The following AKAP12 variants were observed in gnomAD, a reference collection of about 807,000 sequenced individuals.
AKAP12 encodes A-kinase anchor protein 12.
AKAP12 carries 32 observed loss-of-function variants against 79.9 expected under a neutral mutation model. That is an observed-to-expected ratio of 0.40 (90% confidence interval 0.30 to 0.54). The LOEUF (loss-of-function observed/expected upper bound fraction) is 0.54, where lower values mean the gene tolerates loss of function less well. AKAP12 is among the 20% of genes least tolerant of loss of function. The probability of loss-of-function intolerance (pLI) is 0.48; values close to 1 mark genes in which losing one functional copy is unlikely to be tolerated. For missense variants in AKAP12, 2,074 were observed against 2,177.0 expected (o/e 0.95, Z 0.94); for synonymous variants, 808 against 857.0 (o/e 0.94, Z 1.00).
intron 2 of AKAP12, among the ~76,000 whole-genome samples, chr6:151,255,253 C>G (rs1414344671): frequency 6.6e-6 from 1 of 151,812 alleles, no homozygotes; most frequent in East Asian, 1.9e-4. Context: ...GCAACCTCTG[C>G]CTCCCGGGTT....
intron 2 of AKAP12, among the ~76,000 whole-genome samples, chr6:151,281,344 A>G (rs1033057886): frequency 2.0e-5 from 3 of 152,244 alleles, no homozygotes; most frequent in Admixed American, 1.3e-4. Context: ...TGACAGGTGA[A>G]GGATGGTGTT....
intron 3 of AKAP12, among the ~76,000 whole-genome samples, chr6:151,307,559 T>A (rs1475306166): frequency 6.6e-6 from 1 of 152,094 alleles, no homozygotes; most frequent in Non-Finnish European, 1.5e-5. Flanking sequence ...ATCTGTAGGA[T>A]GTATAAGAGG....
At chr6:151,305,942 T>A in intron 3 of AKAP12, 39 bp downstream of exon 3, 1 of 1,564,510 alleles carries the variant, frequency 6.4e-7, no homozygotes, top group Non-Finnish European at 8.7e-7. Context: ...CACACAGCAC[T>A]TGCAACAAAC....
intron 2 of AKAP12, among the ~76,000 whole-genome samples, chr6:151,284,189 C>A (rs888334018): frequency 6.6e-5 from 10 of 152,186 alleles, no homozygotes; most frequent in African/African-American, 2.4e-4. Context: ...TACATTCTGA[C>A]TTCTGTCTGC....
chr6:151,240,822 C>A, intron 2 of AKAP12, 98 bp downstream of exon 2: 1 of 980,370 alleles, frequency 1.0e-6, no homozygotes, highest in Non-Finnish European at 1.3e-6. Context: ...AGAGAACTTC[C>A]CAGCCCATCC....
At chr6:151,284,829 ACTT>A (rs1359909225) in intron 2 of AKAP12, among the ~76,000 whole-genome samples, 3 of 152,196 alleles carry the variant, frequency 2.0e-5, no homozygotes, top group Admixed American at 1.3e-4. Flanking sequence ...GATGTGTGGC[ACTT>A]CCTTTTGACT....
intron 2 of AKAP12, among the ~76,000 whole-genome samples, chr6:151,280,114 C>T (rs1776371502): frequency 6.6e-6 from 1 of 151,182 alleles, no homozygotes; most frequent in African/African-American, 2.4e-5. Context: ...AAATCATAAG[C>T]ACCTTTTGGT....
chr6:151,324,489 T>C, intron 3 of AKAP12: 1 of 985,434 alleles, frequency 1.0e-6, no homozygotes, highest in South Asian at 4.7e-5. Context: ...TCCCTGATTC[T>C]CCTGTTCCTC....
At chr6:151,245,318 A>G (rs1034073372) in intron 2 of AKAP12, among the ~76,000 whole-genome samples, 3 of 68,112 alleles carry the variant, frequency 4.4e-5, no homozygotes, top group Admixed American at 1.9e-4. Context: ...TTATCTCTTG[A>G]AAAAAAAAAA....
chr6:151,351,163 A>C lies in AKAP12; in HGVS notation c.2772A>C (p.Gln924His). 6.2e-7 allele frequency: 1 copy of C among 1,614,246 alleles called. No individual in the cohort carries two copies. Among genetic ancestry groups the C allele is most frequent in the Non-Finnish European group, 8.5e-7 (1 of 1,180,048 alleles). Residue 924 changes from glutamine (Q) to histidine (H), a missense_variant, in exon 4 of 5, where the codon CAA becomes CAC. By Grantham distance (24) the Gln-to-His change is conservative. Coordinates refer to ENST00000402676, the MANE Select transcript of AKAP12 (RefSeq NM_005100.4). This position sits in a 1 kb window ranked among gnomAD's most constrained non-coding sequence, Gnocchi z 4.4. The stretch of plus-strand genomic sequence containing the variant: ...CTTCAGTGACAGAACCTCTTGAACA[A>C]GTAGAAGCTGAAGCCGCACTGTTAA... The part of the protein sequence containing the change: ...ISASVTEPLE[Q>H]VEAEAALLTE...
intron 3 of AKAP12, among the ~76,000 whole-genome samples, chr6:151,326,490 A>G (rs1348093812): frequency 8.7e-6 from 1 of 114,548 alleles, no homozygotes; most frequent in Non-Finnish European, 1.8e-5. Flanking sequence ...AACAAATAGT[A>G]AAAAAAAAAA....
At chr6:151,281,361 T>G (rs1043502765) in intron 2 of AKAP12, among the ~76,000 whole-genome samples, 3 of 152,246 alleles carry the variant, frequency 2.0e-5, no homozygotes, top group South Asian at 4.1e-4. Flanking sequence ...TGTTTTAAGT[T>G]TGCCTTGACT....
chr6:151,327,850 A>G (rs1777567519), intron 3 of AKAP12, among the ~76,000 whole-genome samples: 2 of 152,250 alleles, frequency 1.3e-5, no homozygotes, highest in African/African-American at 4.8e-5. Flanking sequence ...AAGAAAGTGC[A>G]CAGAAAATCT....
intron 3 of AKAP12, 94 bp from the exon 4 acceptor site, chr6:151,348,617 C>T (rs1251059899): frequency 1.1e-6 from 1 of 937,872 alleles, no homozygotes; most frequent in Non-Finnish European, 1.6e-6. Context: ...CCAGCCGGGG[C>T]AAGAGAGTGA....
chr6:151,290,294 G>C (rs981647279), intron 2 of AKAP12, among the ~76,000 whole-genome samples: 2 of 152,118 alleles, frequency 1.3e-5, no homozygotes, highest in Non-Finnish European at 2.9e-5. Context: ...CTACAGGGAG[G>C]GTGGGTGGAA....
At chr6:151,313,930 G>T (rs1043374900) in intron 3 of AKAP12, among the ~76,000 whole-genome samples, 1 of 152,056 alleles carries the variant, frequency 6.6e-6, no homozygotes, top group Non-Finnish European at 1.5e-5. Context: ...TGAAATAGTG[G>T]ATTAGCTAAT....
At chr6:151,258,453 C>T (rs1797345588) in intron 2 of AKAP12, among the ~76,000 whole-genome samples, 1 of 152,104 alleles carries the variant, frequency 6.6e-6, no homozygotes, top group Non-Finnish European at 1.5e-5. Context: ...CTGACAGTCT[C>T]ATAGAAAAGC....
At chr6:151,334,675 G>A (rs1341496382) in intron 3 of AKAP12, among the ~76,000 whole-genome samples, 2 of 150,794 alleles carry the variant, frequency 1.3e-5, no homozygotes, top group Non-Finnish European at 3.0e-5. Context: ...AGGCTGGAGT[G>A]CAGTGGCGCG....
chr6:151,299,022 C>T (rs971043355), intron 2 of AKAP12: 2 of 152,106 alleles, frequency 1.3e-5, no homozygotes, highest in Non-Finnish European at 2.9e-5. Context: ...AAGTAACTTC[C>T]TTAAGGCGGA....
Sources: gnomAD v4.1 joint callset for allele counts (sites outside exome capture counted in the v4.1 genomes callset) on GRCh38, gnomAD v4.1.1 for gene constraint, Gnocchi (gnomAD v3.1) non-coding constraint, MANE v1.5 for transcripts, NCBI Gene and HGNC (gene_info 2026-07-23, HGNC 2026-07-21) for gene names.